SLC4A7: variants seen among roughly 807,000 people sequenced by gnomAD.
SLC4A7 encodes the protein solute carrier family 4 member 7, also known as sodium bicarbonate cotransporter 3.
SLC4A7 carries 51 observed loss-of-function variants against 137.6 expected under a neutral mutation model. The observed-to-expected ratio is 0.37, with a 90% confidence interval of 0.30 to 0.47. The LOEUF (loss-of-function observed/expected upper bound fraction) is 0.47, where lower values mean the gene tolerates loss of function less well. Among genes scored for constraint, SLC4A7 ranks in the 20% least tolerant of loss-of-function variants. The probability of loss-of-function intolerance (pLI) is 1.00; values close to 1 mark genes in which losing one functional copy is unlikely to be tolerated. For missense variants in SLC4A7, 1,247 were observed against 1,525.4 expected, an observed-to-expected ratio of 0.82 and a Z score of 3.04; for synonymous variants, 542 against 518.6, an observed-to-expected ratio of 1.05 and a Z score of -0.61.
intron 15 of SLC4A7, among the ~76,000 whole-genome samples, chr3:27,402,909 T>C: frequency 6.6e-6 from 1 of 151,972 alleles, no homozygotes; most frequent in East Asian, 1.9e-4. Context: ...AACATACACA[T>C]GTGAATAAGC....
At chr3:27,401,703 C>T (rs1048100068) in intron 15 of SLC4A7, among the ~76,000 whole-genome samples, 1 of 152,144 alleles carries the variant, frequency 6.6e-6, no homozygotes, top group African/African-American at 2.4e-5. Context: ...AGGCAACACT[C>T]CTAACACAGT....
intron 1 of SLC4A7, among the ~76,000 whole-genome samples, chr3:27,464,255 A>C (rs774665285): frequency 5.9e-5 from 9 of 152,246 alleles, no homozygotes; most frequent in Non-Finnish European, 1.2e-4. Flanking sequence ...TGTTTATATG[A>C]ACACAAAATA....
chr3:27,392,625 A>T (rs1052965124), intron 20 of SLC4A7, among the ~76,000 whole-genome samples: 5 of 152,110 alleles, frequency 3.3e-5, no homozygotes, highest in Admixed American at 2.6e-4. Context: ...CATAAGTTCG[A>T]GACCAACCTG....
At chr3:27,399,209 G>A (rs1325648351) in intron 16 of SLC4A7, among the ~76,000 whole-genome samples, 1 of 152,028 alleles carries the variant, frequency 6.6e-6, no homozygotes, top group African/African-American at 2.4e-5. Context: ...CATGGATCAT[G>A]AAAATAAAAG....
At chr3:27,430,086 G>A (rs1405197700) in intron 7 of SLC4A7, among the ~76,000 whole-genome samples, 2 of 151,772 alleles carry the variant, frequency 1.3e-5, no homozygotes, top group African/African-American at 2.4e-5. Flanking sequence ...GCATGTGCCT[G>A]TAGTCTCAGC....
intron 1 of SLC4A7, among the ~76,000 whole-genome samples, chr3:27,463,877 T>C (rs148528644): frequency 5.1e-4 from 77 of 152,156 alleles, no homozygotes; most frequent in Non-Finnish European, 9.3e-4. Flanking sequence ...TTTCAAAGTG[T>C]CTGCGTGCCT....
chr3:27,441,286 A>C (rs2057174283), intron 3 of SLC4A7, among the ~76,000 whole-genome samples: 1 of 152,196 alleles, frequency 6.6e-6, no homozygotes, highest in Non-Finnish European at 1.5e-5. Flanking sequence ...TTTTTCCTGT[A>C]ATATCCCTGA....
At chr3:27,455,553 G>GCT (rs2058348375) in intron 1 of SLC4A7, among the ~76,000 whole-genome samples, 2 of 150,560 alleles carry the variant, frequency 1.3e-5, no homozygotes, top group African/African-American at 4.9e-5. Flanking sequence ...GTTTTCATGC[G>GCT]TAACTTGCAT....
rs186422111 is a variant in SLC4A7, at chr3:27,447,485, T to C, written c.289+1166A>G. On this transcript the variant is annotated intron_variant, in intron 3 of 25. Transcript: ENST00000454389. ...ACAAAAACTTTCTTTTAGCATAGCA[T>C]GCAACCGCCTATAGGATGTGGCTCA... is the stretch of plus-strand genomic sequence containing the variant. Among the ~76,000 whole-genome samples, 59 of 152,256 alleles carry C rather than the reference T, an allele frequency of 3.9e-4. 1 individual carries two copies. The highest frequency in any genetic ancestry group is 1.9e-3 in the Admixed American group (29 of 15,290).
At chr3:27,379,526 G>T (rs535050585) in intron 24 of SLC4A7, among the ~76,000 whole-genome samples, 170 bp from the exon 25 acceptor site, 1 of 152,020 alleles carries the variant, frequency 6.6e-6, no homozygotes, top group Non-Finnish European at 1.5e-5. Context: ...CTTTCTAATC[G>T]AAACTAGGAG....
chr3:27,408,312 G>A (rs1177486552), intron 13 of SLC4A7, among the ~76,000 whole-genome samples: 2 of 152,182 alleles, frequency 1.3e-5, no homozygotes, highest in Non-Finnish European at 2.9e-5. Context: ...ATTCCATGAT[G>A]GTAACAGATA....
At chr3:27,482,245 T>A (rs1264255213) in intron 1 of SLC4A7, among the ~76,000 whole-genome samples, 1 of 152,256 alleles carries the variant, frequency 6.6e-6, no homozygotes, top group Non-Finnish European at 1.5e-5. Context: ...ATAAGTGTTA[T>A]TACAATGAAT....
chr3:27,470,633 T>C, intron 1 of SLC4A7, among the ~76,000 whole-genome samples: 2 of 122,834 alleles, frequency 1.6e-5, no homozygotes, highest in Non-Finnish European at 1.7e-5. Flanking sequence ...GCAGAGTAGC[T>C]CCAACTTTAA....
chr3:27,469,507 T>C (rs1244828476), intron 1 of SLC4A7, among the ~76,000 whole-genome samples: 1 of 152,342 alleles, frequency 6.6e-6, no homozygotes, highest in South Asian at 2.1e-4. Context: ...CACTTACTTA[T>C]GTTTACTGAT....
Position 27,481,775 on chromosome 3 carries a change from C to T in SLC4A7, c.60+2292G>A, listed in dbSNP as rs570580836. Among the ~76,000 whole-genome samples, 14 of 152,280 alleles carry T rather than the reference C, an allele frequency of 9.2e-5. No homozygotes were observed. The South Asian group carries it at 1.4e-3, about 16-fold the overall frequency. On this transcript the variant is annotated intron_variant, in intron 1 of 25. Coordinates refer to ENST00000454389, the MANE Select transcript of SLC4A7 (RefSeq NM_001321103.2). ...ACCCTTCTAAAGTGCTCCCCTACCA[C>T]GTCATTAACAGCAGTGTTTAATAAT...
chr3:27,392,135 A>C (rs2150086925), intron 20 of SLC4A7, among the ~76,000 whole-genome samples: 1 of 152,336 alleles, frequency 6.6e-6, no homozygotes, highest in East Asian at 1.9e-4. Context: ...CAAATACATA[A>C]AACACTCAGA....
At chr3:27,464,954 G>A (rs755010662) in intron 1 of SLC4A7, among the ~76,000 whole-genome samples, 24 of 151,792 alleles carry the variant, frequency 1.6e-4, no homozygotes, top group Non-Finnish European at 3.1e-4. Context: ...TTTCTTTTTC[G>A]CCCAATAAAT....
rs142812818 is a variant in SLC4A7 at position 27,386,010 on chromosome 3, A to G, written c.3374T>C (p.Val1125Ala). ...CAGGTCCATGAGTTTGCGCACAAAC[A>G]CTAATGCAAGAACCTTTAAAAAGTG... ...VVFPMMVLAL[V>A]FVRKLMDLCF... The change falls in exon 23 of 26, where the codon GTG (valine) becomes GCG (alanine). Residue 1125 changes from valine (V) to alanine (A), a missense_variant. Val to Ala is a moderately conservative substitution (Grantham distance 64). Around this residue, in one of 6 missense-constraint regions of SLC4A7, gnomAD observed 290 missense variants for 323.8 expected, o/e 0.90. Coordinates refer to ENST00000454389, the MANE Select transcript of SLC4A7 (RefSeq NM_001321103.2). 9.3e-6 allele frequency: 15 copies of G among 1,605,084 alleles called. No homozygotes were observed. Among genetic ancestry groups the G allele is most frequent in the Non-Finnish European group, 1.3e-5 (15 of 1,176,982 alleles).
intron 1 of SLC4A7, among the ~76,000 whole-genome samples, chr3:27,471,771 G>C (rs2059258000): frequency 6.6e-6 from 1 of 152,162 alleles, no homozygotes; most frequent in Admixed American, 6.5e-5. Flanking sequence ...ACGCTAATTT[G>C]TTTCAGATGA....
Sources: gnomAD v4.1 joint callset for allele counts (sites outside exome capture counted in the v4.1 genomes callset) on GRCh38, gnomAD v4.1.1 for gene constraint, gnomAD v4.1.1 regional missense constraint, MANE v1.5 for transcripts, NCBI Gene and HGNC (gene_info 2026-07-23, HGNC 2026-07-21) for gene names.